Variants in TIAM2 observed in about 807,000 individuals in gnomAD.
TIAM2 encodes the protein TIAM Rac1 associated GEF 2, also known as rho guanine nucleotide exchange factor TIAM2.
A neutral mutation model predicts 152.9 loss-of-function variants in TIAM2; 80 were observed. The ratio of observed to expected loss-of-function variants is 0.52; its 90% CI spans 0.44 to 0.63. The LOEUF (loss-of-function observed/expected upper bound fraction) is 0.63, where lower values mean the gene tolerates loss of function less well. Ranked by LOEUF, TIAM2 falls within the 30% of genes least tolerant of loss-of-function variation. The pLI is 0.00. For synonymous variants in TIAM2, 804 were observed against 838.0 expected (o/e 0.96, Z 0.70); for missense variants, 1,965 against 2,120.1 (o/e 0.93, Z 1.44).
intron 14 of TIAM2, among the ~76,000 whole-genome samples, chr6:155,200,228 T>C (rs1015228059): frequency 6.6e-6 from 1 of 152,226 alleles, no homozygotes; most frequent in Non-Finnish European, 1.5e-5. Context: ...CTTGTGATCA[T>C]CTGGGGCTTT....
At chr6:155,015,944 C>CAA (rs3081689) in intron 1 of TIAM2, among the ~76,000 whole-genome samples, 717 of 61,716 alleles carry the variant, frequency 0.012, 34 homozygotes, top group Non-Finnish European at 0.018. Flanking sequence ...TTCAAAAAAC[C>CAA]AAAAAAAAAA....
At chr6:155,216,191 C>G (rs1286203225) in intron 15 of TIAM2, among the ~76,000 whole-genome samples, 1 of 152,002 alleles carries the variant, frequency 6.6e-6, no homozygotes, top group Non-Finnish European at 1.5e-5. Context: ...TGGGACTCCC[C>G]CCGCCCCACC....
intron 12 of TIAM2, among the ~76,000 whole-genome samples, chr6:155,180,994 A>T (rs6909568): frequency 6.6e-6 from 1 of 151,836 alleles, no homozygotes. Context: ...TGTGGTTGCC[A>T]TTTGTGTTCA....
chr6:155,036,211 G>A (rs1381252038), intron 1 of TIAM2, among the ~76,000 whole-genome samples: 1 of 152,138 alleles, frequency 6.6e-6, no homozygotes, highest in Non-Finnish European at 1.5e-5. Flanking sequence ...GCTGAAATGC[G>A]TCATTTGTTC....
At chr6:155,182,562 C>G (rs1472421902) in intron 13 of TIAM2, among the ~76,000 whole-genome samples, 1 of 151,934 alleles carries the variant, frequency 6.6e-6, no homozygotes, top group African/African-American at 2.4e-5. Flanking sequence ...GAGCCCAAGA[C>G]CAGCCTGGGA....
chr6:155,010,702 C>T (rs1270591408), intron 1 of TIAM2, among the ~76,000 whole-genome samples: 1 of 152,086 alleles, frequency 6.6e-6, no homozygotes, highest in Non-Finnish European at 1.5e-5. Context: ...CCGCCCGCCT[C>T]GGCCTCCCAA....
At chr6:155,168,832 C>A in intron 9 of TIAM2, 1 of 1,532,240 alleles carries the variant, frequency 6.5e-7, no homozygotes, top group South Asian at 1.2e-5. Context: ...CTTTTTCCTC[C>A]CCCATCTGTC....
At chr6:155,141,593 A>G (rs1034621260) in intron 5 of TIAM2, among the ~76,000 whole-genome samples, 5 of 152,198 alleles carry the variant, frequency 3.3e-5, no homozygotes, top group African/African-American at 9.7e-5. Flanking sequence ...TAAATTTTCA[A>G]CAAGGGTAAT....
rs1365694799 is a variant in TIAM2 at position 154,995,639 on chromosome 6, T to G, written c.-209+147T>G. On this transcript the variant is annotated intron_variant, in intron 1 of 26. Transcript: ENST00000682666. This position sits in a 1 kb window ranked among gnomAD's most constrained non-coding sequence, Gnocchi z 5.2. ...CCGCCCCTCTCTGCCCCCGCTTTCC[T>G]GGGAGTCCCGCGGAAGGTCGCGGCT... is the stretch of plus-strand genomic sequence containing the variant. The G allele has an allele frequency of 6.6e-6, 1 of 151,874 alleles. No individual in the cohort carries two copies. Among genetic ancestry groups the G allele is most frequent in the Non-Finnish European group, 1.5e-5 (1 of 67,980 alleles). The allele number at this position is 151,874 out of a possible 1,614,324, so 9.4% of individuals were successfully genotyped here. A position where few individuals can be genotyped will look rare whatever the true frequency, so the allele number is the denominator to read the frequency against.
chr6:155,184,144 A>G (rs1289232285), intron 14 of TIAM2, among the ~76,000 whole-genome samples: 1 of 152,094 alleles, frequency 6.6e-6, no homozygotes, highest in Non-Finnish European at 1.5e-5. Flanking sequence ...GTGTACCACC[A>G]TGCCTCGCTA....
chr6:155,068,602 G>GCC lies in TIAM2; in HGVS notation c.-208-21681_-208-21680dup, dbSNP rs72285814. Among the ~76,000 whole-genome samples the GCC allele has an allele frequency of 7.2e-4, 103 of 143,360 alleles. 2 individuals carry two copies. Among genetic ancestry groups the GCC allele is most frequent in the Non-Finnish European group, 9.0e-4 (58 of 64,712 alleles). The allele number at this position is 143,360 out of a possible 152,430, so 94.0% of individuals were successfully genotyped here. ...GGAGTAGCTGGGATTACAGGCACCC[G>GCC]CCCCCCCATCACGTCTGGCTAATTT... On this transcript the variant is annotated intron_variant, in intron 1 of 26. Coordinates refer to ENST00000682666, the MANE Select transcript of TIAM2 (RefSeq NM_012454.4).
At chr6:155,146,768 ATTTTTTTTT>A (rs373361803) in intron 6 of TIAM2, among the ~76,000 whole-genome samples, 8 of 135,880 alleles carry the variant, frequency 5.9e-5, no homozygotes, top group African/African-American at 1.7e-4. Context: ...TGCCTGGCTA[ATTTTTTTTT>A]TTTTTTTTTT....
At chr6:155,175,497 A>G (rs1562342476) in intron 9 of TIAM2, among the ~76,000 whole-genome samples, 1 of 152,254 alleles carries the variant, frequency 6.6e-6, no homozygotes, top group Non-Finnish European at 1.5e-5. Context: ...AAGGTGTTTC[A>G]CATAAGTGAC....
intron 7 of TIAM2, among the ~76,000 whole-genome samples, chr6:155,160,372 G>A (rs889463884): frequency 1.3e-5 from 2 of 152,140 alleles, no homozygotes; most frequent in Non-Finnish European, 2.9e-5. Context: ...CAGATTGGAT[G>A]AGGCCCACCC....
At chr6:155,044,550 C>G (rs796227500) in intron 1 of TIAM2, among the ~76,000 whole-genome samples, 1 of 152,180 alleles carries the variant, frequency 6.6e-6, no homozygotes, top group African/African-American at 2.4e-5. Context: ...GGTGCAGTGG[C>G]TTACGCCTGT....
intron 1 of TIAM2, among the ~76,000 whole-genome samples, chr6:154,997,326 T>C (rs1230139841): frequency 2.6e-5 from 4 of 152,180 alleles, no homozygotes; most frequent in Non-Finnish European, 5.9e-5. Context: ...CTAGAACACA[T>C]TTTTGTATAT....
chr6:155,079,109 T>C (rs58406589), intron 1 of TIAM2, among the ~76,000 whole-genome samples: 11,218 of 152,202 alleles, frequency 0.074, 536 homozygotes, highest in East Asian at 0.21. Context: ...TTGCCCAGGC[T>C]GGAGTGCAGT....
At chr6:155,181,063 A>G (rs1780890491) in intron 12 of TIAM2, among the ~76,000 whole-genome samples, 1 of 152,158 alleles carries the variant, frequency 6.6e-6, no homozygotes, top group Non-Finnish European at 1.5e-5. Context: ...GTGAGACCAT[A>G]TTCTACCAGC....
intron 15 of TIAM2, among the ~76,000 whole-genome samples, chr6:155,217,944 G>GT (rs201175224): frequency 7.5e-4 from 114 of 151,580 alleles, no homozygotes; most frequent in African/African-American, 2.2e-3. Flanking sequence ...AACCTTTTGA[G>GT]TTTTTTTTTG....
Sources: gnomAD v4.1 joint callset for allele counts (sites outside exome capture counted in the v4.1 genomes callset) on GRCh38, gnomAD v4.1.1 for gene constraint, Gnocchi (gnomAD v3.1) non-coding constraint, MANE v1.5 for transcripts, NCBI Gene and HGNC (gene_info 2026-07-23, HGNC 2026-07-21) for gene names.